Variants in KCNAB2 observed in about 807,000 individuals in gnomAD.
KCNAB2 encodes the protein potassium voltage-gated channel subfamily A regulatory beta subunit 2.
Under a neutral mutation model 63.6 loss-of-function variants are expected in KCNAB2, and 29 were observed. That is an observed-to-expected ratio of 0.46 (90% CI 0.34 to 0.62). The LOEUF (loss-of-function observed/expected upper bound fraction) is 0.62. Ranked by LOEUF, KCNAB2 falls within the 20% of genes least tolerant of loss-of-function variation. The probability of loss-of-function intolerance (pLI) is 0.01; values close to 1 mark genes in which losing one functional copy is unlikely to be tolerated. For missense variants in KCNAB2, 359 were observed against 563.9 expected (o/e 0.64, Z 3.68); for synonymous variants, 222 against 224.2 (o/e 0.99, Z 0.09).
rs1162198618 is a variant in KCNAB2, at chr1:6,035,951, G to A, written c.-53+1157G>A. ...GGCTGGAGGGATGAGAGGGGAGCGTGGAGTCCTGGGAGCTGGGGAAGCCGC... is the reference window on the plus strand; with the variant it reads ...GGCTGGAGGGATGAGAGGGGAGCGTAGAGTCCTGGGAGCTGGGGAAGCCGC... On this transcript the variant is annotated intron_variant, in intron 1 of 15. Coordinates refer to the KCNAB2 transcript ENST00000164247. The surrounding 1 kb of genome is among the most constrained non-coding windows in gnomAD (Gnocchi z 5.0). The A allele has an allele frequency of 6.5e-6, 1 of 152,810 alleles. No homozygotes were observed. Among genetic ancestry groups the A allele is most frequent in the Non-Finnish European group, 1.5e-5 (1 of 68,570 alleles). The allele number at this position is 152,810 out of a possible 1,614,324, so 9.5% of individuals were successfully genotyped here.
At chr1:6,030,919 T>C (rs1659579782), upstream of KCNAB2, among the ~76,000 whole-genome samples, 1 of 118,884 alleles carries the variant, frequency 8.4e-6, no homozygotes, top group Non-Finnish European at 1.8e-5. Context: ...TATGTTTGTA[T>C]GTGTAGGGGT....
chr1:6,100,117 G>A lies in KCNAB2; in HGVS notation c.*1543G>A. ...CCTGGAGGAGCCACTATTCCAGAAG[G>A]CTCCACCCTGCCGTCCTGCGGGAGC... On this transcript the variant is annotated 3_prime_UTR_variant, in exon 16 of 16. Coordinates refer to ENST00000378083, the MANE Select transcript of KCNAB2 (RefSeq NM_001199862.2). The A allele has an allele frequency of 7.0e-7, 1 of 1,435,450 alleles. No homozygotes were observed. Among genetic ancestry groups the A allele is most frequent in the Non-Finnish European group, 9.2e-7 (1 of 1,092,046 alleles). 88.9% of individuals were successfully genotyped at this position (1,435,450 alleles called of 1,614,324 possible). A position where few individuals can be genotyped will look rare whatever the true frequency, so the allele number is the denominator to read the frequency against.
intron 1 of KCNAB2, among the ~76,000 whole-genome samples, chr1:6,047,821 T>C (rs1188764779): frequency 6.6e-6 from 1 of 152,168 alleles, no homozygotes. Context: ...CCAGCCCTGC[T>C]CCTCACCCCA....
rs1160087204 is a variant in KCNAB2 at position 6,078,250 on chromosome 1, G to A, written c.301-3945G>A. On this transcript the variant is annotated intron_variant, in intron 4 of 15. Transcript: ENST00000378083. The surrounding 1 kb of genome is among the most constrained non-coding windows in gnomAD (Gnocchi z 4.2). ...TCTCCGTCTGTCTCGTCCTCATAAG[G>A]TCACCTGTGATGGCACTGAGGGCCC... Among the ~76,000 whole-genome samples the A allele has an allele frequency of 6.6e-6, 1 of 152,186 alleles. No homozygotes were observed. Among genetic ancestry groups the A allele is most frequent in the Non-Finnish European group, 1.5e-5 (1 of 68,032 alleles).
chr1:6,045,473 G>A (rs1027655386), upstream of KCNAB2, among the ~76,000 whole-genome samples: 1 of 152,190 alleles, frequency 6.6e-6, no homozygotes, highest in Non-Finnish European at 1.5e-5. This position sits in a 1 kb window ranked among gnomAD's most constrained non-coding sequence, Gnocchi z 4.8. Flanking sequence ...TCCCTGCCTG[G>A]AGTGAGTGGC....
At chr1:6,082,352 G>A (rs914141423) in intron 5 of KCNAB2, 78 bp downstream of exon 5, 30 of 1,147,754 alleles carry the variant, frequency 2.6e-5, no homozygotes, top group East Asian at 7.1e-5. Context: ...CCTGCCGCTC[G>A]CGTTCCCAAG....
chr1:6,005,923 C>A (rs536719835), intron 1 of KCNAB2, among the ~76,000 whole-genome samples: 1,542 of 103,648 alleles, frequency 0.015, 21 homozygotes, highest in Non-Finnish European at 0.018. Flanking sequence ...CTCCCACATC[C>A]CCCCACTCCA....
At position 6,098,875 on chromosome 1, in the gene KCNAB2, C is replaced by T; in HGVS notation, c.*301C>T. 1 of 283,700 alleles carries T rather than the reference C, an allele frequency of 3.5e-6. No individual in the cohort carries two copies. The highest frequency in any genetic ancestry group is 6.6e-6 in the Non-Finnish European group (1 of 151,608). 17.6% of individuals were successfully genotyped at this position (283,700 alleles called of 1,614,324 possible). On this transcript the variant is annotated 3_prime_UTR_variant, in exon 16 of 16. Coordinates refer to ENST00000378083, the MANE Select transcript of KCNAB2 (RefSeq NM_001199862.2). ...AGACCACCCAGCTTTCTCCCAGCCA[C>T]AGCCAAGATTCCCAAAGTCAAGGCC... is the stretch of plus-strand genomic sequence containing the variant.
chr1:6,014,480 ACAGT>A (rs1222174010), intron 1 of KCNAB2, among the ~76,000 whole-genome samples: 1 of 152,262 alleles, frequency 6.6e-6, no homozygotes, highest in Non-Finnish European at 1.5e-5. Flanking sequence ...GAAAGAACAC[ACAGT>A]CTGTATGAGC....
In KCNAB2 at chr1:6,035,083, A is replaced by C. The variant is rs1659923394; in HGVS notation, c.-53+289A>C. ...TCCATGAGAAGGTGACCTTGGCATA[A>C]AGAGGCAAACGTGGGAGCATGCTCA... On this transcript the variant is annotated intron_variant, in intron 1 of 15. Transcript: ENST00000164247. The surrounding 1 kb of genome is among the most constrained non-coding windows in gnomAD (Gnocchi z 5.0). Among the ~76,000 whole-genome samples the C allele has an allele frequency of 6.6e-6, 1 of 152,130 alleles. No homozygotes were observed. The highest frequency in any genetic ancestry group is 2.4e-5 in the African/African-American group (1 of 41,422).
chr1:6,070,754 A>G (rs1663118575), intron 2 of KCNAB2, among the ~76,000 whole-genome samples: 1 of 151,866 alleles, frequency 6.6e-6, no homozygotes, highest in Non-Finnish European at 1.5e-5. Flanking sequence ...CATTCTGCAG[A>G]TGAGAACACT....
upstream of KCNAB2, among the ~76,000 whole-genome samples, chr1:6,044,591 T>TG (rs535868347): frequency 9.9e-4 from 151 of 152,040 alleles, no homozygotes; most frequent in African/African-American, 3.5e-3. Context: ...TGGATGTTGG[T>TG]GGGGGGCCTC....
chr1:6,043,995 T>C (rs1447191131), upstream of KCNAB2, among the ~76,000 whole-genome samples: 1 of 152,220 alleles, frequency 6.6e-6, no homozygotes, highest in Non-Finnish European at 1.5e-5. Context: ...CATGCTTAAC[T>C]GGGGCCTACC....
chr1:6,042,517 G>T (rs936614956), upstream of KCNAB2, among the ~76,000 whole-genome samples: 1 of 152,186 alleles, frequency 6.6e-6, no homozygotes, highest in African/African-American at 2.4e-5. Flanking sequence ...CTCTCTCTGG[G>T]CTGCCTCTCC....
intron 1 of KCNAB2, among the ~76,000 whole-genome samples, chr1:6,048,857 G>A (rs995655205): frequency 7.9e-5 from 12 of 152,228 alleles, no homozygotes; most frequent in Admixed American, 3.3e-4. Context: ...GGGAGTGGCC[G>A]GCCAGTAGGC....
intron 2 of KCNAB2, among the ~76,000 whole-genome samples, chr1:6,058,844 G>C (rs1324141329): frequency 6.6e-6 from 1 of 152,210 alleles, no homozygotes; most frequent in African/African-American, 2.4e-5. Flanking sequence ...TGCTCTCCTT[G>C]AGGGCCTGCC....
chr1:6,016,714 G>A (rs754790152), intron 1 of KCNAB2, among the ~76,000 whole-genome samples: 6 of 152,184 alleles, frequency 3.9e-5, no homozygotes, highest in Admixed American at 1.3e-4. Context: ...CTGCAGTGAC[G>A]CTATGGAGCA....
In KCNAB2 at chr1:6,028,996, C is replaced by T. The variant is rs1659399135; in HGVS notation, c.-52-11521C>T. ...TGACGCCCTGAGGCGTGGGTTCACA[C>T]TTGGGTGTGGCTGGTCACGTCTATA... On this transcript the variant is annotated intron_variant, in intron 1 of 16. Coordinates refer to the KCNAB2 transcript ENST00000341524. This position sits in a 1 kb window ranked among gnomAD's most constrained non-coding sequence, Gnocchi z 4.0. Among the ~76,000 whole-genome samples, 1 of 152,216 alleles carries T rather than the reference C, an allele frequency of 6.6e-6. No individual in the cohort carries two copies. Among genetic ancestry groups the T allele is most frequent in the Non-Finnish European group, 1.5e-5 (1 of 68,042 alleles).
intron 2 of KCNAB2, among the ~76,000 whole-genome samples, chr1:6,067,583 C>G (rs1480641970): frequency 6.6e-6 from 1 of 152,216 alleles, no homozygotes; most frequent in African/African-American, 2.4e-5. Flanking sequence ...ACATTCGTGT[C>G]TCTTCCTTCC....
Sources: gnomAD v4.1 joint callset for allele counts (sites outside exome capture counted in the v4.1 genomes callset) on GRCh38, gnomAD v4.1.1 for gene constraint, Gnocchi (gnomAD v3.1) non-coding constraint, MANE v1.5 for transcripts, NCBI Gene and HGNC (gene_info 2026-07-23, HGNC 2026-07-21) for gene names.